MAFF: variants seen among roughly 807,000 people sequenced by gnomAD.
MAFF encodes MAF bZIP transcription factor F, also known as transcription factor MafF.
A neutral mutation model predicts 2.7 loss-of-function variants in MAFF; 4 were observed. The ratio of observed to expected loss-of-function variants is 1.48; its 90% CI spans 0.73 to 3.39. MAFF has a LOEUF of 3.39. Ranked by LOEUF, MAFF falls within the 30% of genes most tolerant of loss-of-function variation. The probability of loss-of-function intolerance (pLI) is 0.01; values close to 1 mark genes in which losing one functional copy is unlikely to be tolerated. For missense variants in MAFF, 190 were observed against 246.6 expected (o/e 0.77, Z 1.54); for synonymous variants, 113 against 119.4 (o/e 0.95, Z 0.35).
In MAFF at chr22:38,214,808, C is replaced by A; in HGVS notation, c.425C>A (p.Ser142Tyr). Residue 142 changes from serine to tyrosine, a missense_variant, in exon 3 of 3, where the codon TCC becomes TAC. This residue lies in a region of MAFF where 103 missense variants were observed against 103.0 expected (regional missense o/e 1.00). Transcript: ENST00000338483. The surrounding 1 kb of genome is among the most constrained non-coding windows in gnomAD (Gnocchi z 6.3). ...APASVITIVK[S>Y]TPGSGSGPAH... The stretch of plus-strand genomic sequence containing the variant: ...GCCAGCGTCATCACCATCGTCAAGT[C>A]CACCCCGGGCTCGGGGTCTGGCCCC... 1 of 1,487,872 alleles carries A rather than the reference C, an allele frequency of 6.7e-7. No homozygotes were observed. 92.2% of individuals were successfully genotyped at this position (1,487,872 alleles called of 1,614,324 possible).
chr22:38,209,438 G>A (rs777162949), intron 1 of MAFF, among the ~76,000 whole-genome samples: 1 of 152,144 alleles, frequency 6.6e-6, no homozygotes, highest in East Asian at 1.9e-4. Context: ...CAGCTGCTGT[G>A]TGGGAATGAG....
At position 38,215,290 on chromosome 22, in the gene MAFF, G is replaced by C. The variant is rs1208141773; in HGVS notation, c.*412G>C. 1.1e-5 allele frequency: 2 copies of C among 185,300 alleles called. No individual in the cohort carries two copies. Among genetic ancestry groups the C allele is most frequent in the African/African-American group, 4.8e-5 (2 of 41,766 alleles). The allele number at this position is 185,300 out of a possible 1,614,324, so 11.5% of individuals were successfully genotyped here. A position where few individuals can be genotyped will look rare whatever the true frequency, so the allele number is the denominator to read the frequency against. ...AGGTTTGGCTGTCTGTGACTTACGG[G>C]ACCGTCCTGCTGAGAAATTGCACTG... is the stretch of plus-strand genomic sequence containing the variant. On this transcript the variant is annotated 3_prime_UTR_variant, in exon 3 of 3. Transcript: ENST00000338483.
rs558633443 is a variant in MAFF at position 38,212,292 on chromosome 22, C to T, written c.-31-1531C>T. Among the ~76,000 whole-genome samples the T allele has an allele frequency of 1.8e-4, 28 of 152,334 alleles. No homozygotes were observed. The South Asian group carries it at 3.1e-3, about 17-fold the overall frequency. ...CTGGGATTACAGGCGTGAGCCACCG[C>T]GCCCAGCCTATCTTCCTTTATTTTC... On this transcript the variant is annotated intron_variant, in intron 1 of 2. Coordinates refer to ENST00000338483, the MANE Select transcript of MAFF (RefSeq NM_012323.4).
chr22:38,210,623 AGTGTGTGTGTGTGTGT>A (rs71195095), intron 1 of MAFF, among the ~76,000 whole-genome samples: 2 of 132,920 alleles, frequency 1.5e-5, no homozygotes, highest in African/African-American at 5.7e-5. Context: ...GGACACAGGG[AGTGTGTGTGTGTGTGT>A]GTGTGTGTGT....
At chr22:38,208,512 G>C (rs1359757198) in intron 1 of MAFF, among the ~76,000 whole-genome samples, 1 of 152,198 alleles carries the variant, frequency 6.6e-6, no homozygotes, top group Non-Finnish European at 1.5e-5. Flanking sequence ...AAGAATTAGA[G>C]ACAGGGCCAG....
At chr22:38,211,143 G>A (rs1426549064) in intron 1 of MAFF, among the ~76,000 whole-genome samples, 1 of 152,128 alleles carries the variant, frequency 6.6e-6, no homozygotes, top group Non-Finnish European at 1.5e-5. Flanking sequence ...ATCCTGTGTT[G>A]AGGAAGGGCG....
intron 1 of MAFF, among the ~76,000 whole-genome samples, chr22:38,206,119 G>A (rs1021647408): frequency 6.6e-6 from 1 of 152,190 alleles, no homozygotes; most frequent in African/African-American, 2.4e-5. Flanking sequence ...TCAAGGATAG[G>A]GAATGGCTGA....
rs1240613434 is a variant in MAFF at position 38,214,188 on chromosome 22, T to C, written c.37-232T>C. On this transcript the variant is annotated intron_variant, in intron 2 of 2. Coordinates refer to ENST00000338483, the MANE Select transcript of MAFF (RefSeq NM_012323.4). This position sits in a 1 kb window ranked among gnomAD's most constrained non-coding sequence, Gnocchi z 6.3. ...TCCGACCTGGGTTTCTCTGGCTGAGTCCAGGGCTTGGCGCTAGGTTAGAAT... is the reference window on the plus strand; with the variant it reads ...TCCGACCTGGGTTTCTCTGGCTGAGCCCAGGGCTTGGCGCTAGGTTAGAAT... 6.6e-6 allele frequency among the ~76,000 whole-genome samples: 1 copy of C among 152,216 alleles called. No individual in the cohort carries two copies. The highest frequency in any genetic ancestry group is 1.5e-5 in the Non-Finnish European group (1 of 68,026).
intron 1 of MAFF, chr22:38,203,538 A>T (rs2091030443): frequency 6.6e-6 from 1 of 152,012 alleles, no homozygotes; most frequent in South Asian, 2.1e-4. Context: ...CCACCCACCC[A>T]CTCACCCAAT....
At chr22:38,211,004 G>T (rs1021665800) in intron 1 of MAFF, among the ~76,000 whole-genome samples, 1 of 151,988 alleles carries the variant, frequency 6.6e-6, no homozygotes, top group African/African-American at 2.4e-5. Flanking sequence ...AGGCTGCAAT[G>T]AGCTGTGATC....
Position 38,215,013 on chromosome 22 carries a change from G to A in MAFF, c.*135G>A, listed in dbSNP as rs188743876. The A allele has an allele frequency of 3.1e-4, 217 of 702,236 alleles. 3 individuals carry two copies. In the East Asian group the frequency reaches 6.2e-3, roughly 20 times the overall value. The allele number at this position is 702,236 out of a possible 1,614,324, so 43.5% of individuals were successfully genotyped here. On this transcript the variant is annotated 3_prime_UTR_variant, in exon 3 of 3. Transcript: ENST00000338483. ...CTTGGTGCACACACATTCCCTTCGT[G>A]GGCCCTGTCTTCCTCTTGCAGCCCC...
At chr22:38,212,527 T>C (rs2091108707) in intron 1 of MAFF, among the ~76,000 whole-genome samples, 1 of 152,170 alleles carries the variant, frequency 6.6e-6, no homozygotes, top group Admixed American at 6.5e-5. Flanking sequence ...CACCTTTTTC[T>C]CCCCATTACC....
intron 1 of MAFF, among the ~76,000 whole-genome samples, chr22:38,204,949 C>T (rs1417374828): frequency 6.6e-6 from 1 of 151,786 alleles, no homozygotes. Context: ...GGATTGGAGA[C>T]GGAGGGCAAG....
At chr22:38,212,656 C>G (rs909475949) in intron 1 of MAFF, among the ~76,000 whole-genome samples, 1 of 152,174 alleles carries the variant, frequency 6.6e-6, no homozygotes, top group African/African-American at 2.4e-5. Flanking sequence ...ATGGCTGCCC[C>G]ATCTGCCTAG....
In MAFF at chr22:38,207,136, T is replaced by G. The variant is rs143873263; in HGVS notation, c.-32+4924T>G. 2.6e-5 allele frequency among the ~76,000 whole-genome samples: 4 copies of G among 151,946 alleles called. No homozygotes were observed. In the South Asian group the frequency reaches 8.3e-4, roughly 32 times the overall value. ...TTCTATTATTATTATTATTATTATTTTTGAGATGGAGTCTTGCTCTGTCAC... is the reference window on the plus strand; with the variant it reads ...TTCTATTATTATTATTATTATTATTGTTGAGATGGAGTCTTGCTCTGTCAC... On this transcript the variant is annotated intron_variant, in intron 1 of 2. Coordinates refer to ENST00000338483, the MANE Select transcript of MAFF (RefSeq NM_012323.4).
At chr22:38,212,528 C>A (rs2091108730) in intron 1 of MAFF, among the ~76,000 whole-genome samples, 1 of 152,206 alleles carries the variant, frequency 6.6e-6, no homozygotes, top group African/African-American at 2.4e-5. Flanking sequence ...ACCTTTTTCT[C>A]CCCATTACCA....
chr22:38,206,000 G>A (rs1331102663), intron 1 of MAFF, among the ~76,000 whole-genome samples: 1 of 152,188 alleles, frequency 6.6e-6, no homozygotes, highest in East Asian at 1.9e-4. Flanking sequence ...GGATGCGGTT[G>A]AGGGGGCTGA....
intron 1 of MAFF, among the ~76,000 whole-genome samples, chr22:38,204,476 G>C (rs1602330091): frequency 6.6e-6 from 1 of 152,146 alleles, no homozygotes; most frequent in South Asian, 2.1e-4. Flanking sequence ...ACAGAGCCTG[G>C]AACATAGTAG....
In MAFF at chr22:38,215,199, C is replaced by A; in HGVS notation, c.*321C>A. On this transcript the variant is annotated 3_prime_UTR_variant, in exon 3 of 3. Transcript: ENST00000338483. ...CAGCTGTTGGGGGAGAAGAGGGCACCCCTCATCTTGGAAACTGCTCTTATT... is the reference window on the plus strand; with the variant it reads ...CAGCTGTTGGGGGAGAAGAGGGCACACCTCATCTTGGAAACTGCTCTTATT... 3.3e-6 allele frequency: 1 copy of A among 305,888 alleles called. No homozygotes were observed. Among genetic ancestry groups the A allele is most frequent in the Non-Finnish European group, 6.4e-6 (1 of 155,406 alleles). 18.9% of individuals were successfully genotyped at this position (305,888 alleles called of 1,614,324 possible). A position where few individuals can be genotyped will look rare whatever the true frequency, so the allele number is the denominator to read the frequency against.
Sources: allele counts gnomAD v4.1 joint callset (sites outside exome capture counted in the v4.1 genomes callset), GRCh38; gene constraint gnomAD v4.1.1; regional missense constraint gnomAD v4.1.1; non-coding constraint Gnocchi (gnomAD v3.1); transcripts MANE v1.5; gene names NCBI Gene and HGNC (gene_info 2026-07-23, HGNC 2026-07-21).